Variants in CAMK2D observed in about 807,000 individuals in gnomAD.
The protein encoded by CAMK2D is calcium/calmodulin-dependent protein kinase type II subunit delta.
Under a neutral mutation model 84.0 loss-of-function variants are expected in CAMK2D, and 37 were observed. That is an observed-to-expected ratio of 0.44 (90% confidence interval 0.34 to 0.58). CAMK2D has a LOEUF of 0.58. CAMK2D is among the 20% of genes least tolerant of loss of function. The pLI, the probability that CAMK2D is intolerant of heterozygous loss-of-function variation, is 0.02. For synonymous variants in CAMK2D, 202 were observed against 212.5 expected, an observed-to-expected ratio of 0.95 and a Z score of 0.43; for missense variants, 448 against 652.5, an observed-to-expected ratio of 0.69 and a Z score of 3.41.
intron 8 of CAMK2D, among the ~76,000 whole-genome samples, chr4:113,529,824 CAT>C (rs1210824012): frequency 6.6e-6 from 1 of 152,126 alleles, no homozygotes; most frequent in Non-Finnish European, 1.5e-5. Flanking sequence ...CATGGGCAAA[CAT>C]AATACTTATT....
chr4:113,716,479 T>C (rs540073363), intron 2 of CAMK2D, among the ~76,000 whole-genome samples: 5 of 151,754 alleles, frequency 3.3e-5, no homozygotes, highest in Admixed American at 1.3e-4. Flanking sequence ...GCAAAACCCC[T>C]GTCTCTACAA....
intron 16 of CAMK2D, among the ~76,000 whole-genome samples, chr4:113,466,289 T>A (rs975282062): frequency 2.3e-5 from 2 of 87,430 alleles, no homozygotes; most frequent in East Asian, 3.1e-4. Flanking sequence ...TAAATAAATA[T>A]AAAATAAAAT....
chr4:113,604,865 T>G (rs2098970711), intron 4 of CAMK2D, among the ~76,000 whole-genome samples: 1 of 152,216 alleles, frequency 6.6e-6, no homozygotes, highest in Admixed American at 6.5e-5. Context: ...CTATAAATTT[T>G]AAAATATAGA....
intron 4 of CAMK2D, among the ~76,000 whole-genome samples, chr4:113,593,594 CT>C (rs78433104): frequency 0.04 from 6,076 of 152,254 alleles, 357 homozygotes; most frequent in East Asian, 0.19. Flanking sequence ...GGAAAAATCT[CT>C]TTCTGCTTCT....
intron 17 of CAMK2D, among the ~76,000 whole-genome samples, chr4:113,461,555 T>A (rs536607759): frequency 6.6e-6 from 1 of 152,210 alleles, no homozygotes; most frequent in Admixed American, 6.5e-5. Context: ...CTGTGTTATG[T>A]GTGTAAGGCC....
chr4:113,718,952 G>GA (rs2099522075), intron 2 of CAMK2D, among the ~76,000 whole-genome samples: 1 of 151,790 alleles, frequency 6.6e-6, no homozygotes, highest in Non-Finnish European at 1.5e-5. Context: ...TAAATATTAA[G>GA]AAAAAACAGT....
At chr4:113,506,981 G>C (rs778532613) in intron 13 of CAMK2D, among the ~76,000 whole-genome samples, 2 of 151,632 alleles carry the variant, frequency 1.3e-5, no homozygotes, top group Non-Finnish European at 2.9e-5. Flanking sequence ...AGGCCATTCT[G>C]TCTGGGTGAG....
At chr4:113,568,424 CT>C (rs1390337318) in intron 4 of CAMK2D, among the ~76,000 whole-genome samples, 1 of 152,142 alleles carries the variant, frequency 6.6e-6, no homozygotes, top group Admixed American at 6.5e-5. Flanking sequence ...CATTTTTAAG[CT>C]GTGTAATATT....
intron 3 of CAMK2D, among the ~76,000 whole-genome samples, chr4:113,646,036 C>T (rs1397214474): frequency 3.3e-5 from 5 of 152,178 alleles, no homozygotes; most frequent in African/African-American, 7.2e-5. Context: ...CTTAGCAAGT[C>T]AGGGAGAAGT....
At chr4:113,563,930 A>G (rs867446853) in intron 4 of CAMK2D, among the ~76,000 whole-genome samples, 8 of 152,290 alleles carry the variant, frequency 5.3e-5, no homozygotes, top group African/African-American at 1.9e-4. Context: ...GAACTTAGTG[A>G]AAAATATTAC....
intron 2 of CAMK2D, among the ~76,000 whole-genome samples, chr4:113,669,727 T>C (rs1592762412): frequency 6.6e-6 from 1 of 152,170 alleles, no homozygotes; most frequent in African/African-American, 2.4e-5. Context: ...TTCCAAGATA[T>C]GAAACATGTC....
intron 16 of CAMK2D, among the ~76,000 whole-genome samples, chr4:113,478,849 T>C (rs2097663362): frequency 6.6e-6 from 1 of 152,174 alleles, no homozygotes; most frequent in Admixed American, 6.5e-5. Context: ...ATTGTACAAT[T>C]GTAAAAAAAA....
At chr4:113,477,097 C>T (rs7689195) in intron 16 of CAMK2D, among the ~76,000 whole-genome samples, 50,986 of 151,922 alleles carry the variant, frequency 0.34, 8,859 homozygotes, top group Middle Eastern at 0.4. Flanking sequence ...TGTTTCTCTA[C>T]TGCAACATCA....
chr4:113,523,792 T>TAAAC (rs2098392548), intron 8 of CAMK2D, among the ~76,000 whole-genome samples: 1 of 151,496 alleles, frequency 6.6e-6, no homozygotes, highest in Admixed American at 6.6e-5. Flanking sequence ...AATAAATAAA[T>TAAAC]AAATAAACAA....
chr4:113,567,897 T>G (rs1255731574), intron 4 of CAMK2D, among the ~76,000 whole-genome samples: 1 of 151,954 alleles, frequency 6.6e-6, no homozygotes. Flanking sequence ...AAACAACGAG[T>G]CCTCCTTGGT....
chr4:113,692,975 TCTTA>T (rs1290426165), intron 2 of CAMK2D, among the ~76,000 whole-genome samples: 2 of 152,188 alleles, frequency 1.3e-5, no homozygotes, highest in Admixed American at 1.3e-4. Flanking sequence ...TCATGAAAGT[TCTTA>T]CTTTTACTTC....
chr4:113,664,180 T>G (rs1218305129), intron 2 of CAMK2D, among the ~76,000 whole-genome samples: 1 of 152,158 alleles, frequency 6.6e-6, no homozygotes, highest in Non-Finnish European at 1.5e-5. Context: ...GAAAATAAAT[T>G]TCTCACAATT....
At chr4:113,656,135 T>C (rs1386385259) in intron 3 of CAMK2D, among the ~76,000 whole-genome samples, 1 of 152,186 alleles carries the variant, frequency 6.6e-6, no homozygotes, top group East Asian at 1.9e-4. Flanking sequence ...GTGAACAGAA[T>C]GATCAAACAT....
rs79797139 is a variant in CAMK2D at position 113,551,920 on chromosome 4, C to T, written c.341+111G>A. ...AGTTTTTTTTCTCTAAGAATCATCC[C>T]GGAGATCCTTAAAACATTTGTTTGT... On this transcript the variant is annotated intron_variant, in intron 5 of 20. Coordinates refer to ENST00000511664, the MANE Select transcript of CAMK2D (RefSeq NM_001321571.2). 2,037 of 489,770 alleles carry T rather than the reference C, an allele frequency of 4.2e-3. 31 individuals are homozygous for T. The highest frequency in any genetic ancestry group is 0.035 in the African/African-American group (1,788 of 50,440). 30.3% of individuals were successfully genotyped at this position (489,770 alleles called of 1,614,324 possible).
Sources: allele counts gnomAD v4.1 joint callset (sites outside exome capture counted in the v4.1 genomes callset), GRCh38; gene constraint gnomAD v4.1.1; transcripts MANE v1.5; gene names NCBI Gene and HGNC (gene_info 2026-07-23, HGNC 2026-07-21).